The following ASB15 variants were observed in gnomAD, a reference collection of about 807,000 sequenced individuals.
ASB15 encodes the protein ankyrin repeat and SOCS box containing 15, also known as ankyrin repeat and SOCS box protein 15.
Under a neutral mutation model 58.0 loss-of-function variants are expected in ASB15, and 54 were observed. That is an observed-to-expected ratio of 0.93 (90% CI 0.75 to 1.17). ASB15 has a LOEUF of 1.17. ASB15 is among the 50% of genes most tolerant of loss of function. The pLI, the probability that ASB15 is intolerant of heterozygous loss-of-function variation, is 0.00. For missense variants in ASB15, 680 were observed against 707.4 expected (o/e 0.96, Z 0.44); for synonymous variants, 249 against 262.4 (o/e 0.95, Z 0.50).
intron 11 of ASB15, among the ~76,000 whole-genome samples, chr7:123,636,238 C>G (rs1461972880): frequency 4.6e-5 from 7 of 152,068 alleles, no homozygotes; most frequent in African/African-American, 1.7e-4. Context: ...TATAAAATCT[C>G]AATCTTGCAA....
intron 9 of ASB15, 62 bp from the exon 10 acceptor site, chr7:123,628,802 G>A (rs1801959710): frequency 1.8e-6 from 2 of 1,140,730 alleles, no homozygotes; most frequent in South Asian, 3.2e-5. Context: ...AGTGAGAACG[G>A]TAGTTTATTT....
chr7:123,625,051 C>T (rs902747564), intron 8 of ASB15: 2 of 486,614 alleles, frequency 4.1e-6, no homozygotes, highest in Admixed American at 7.1e-5. Flanking sequence ...ATTGCTCTCT[C>T]GAGAGACAGT....
chr7:123,598,352 G>T (rs1458142298), upstream of ASB15, among the ~76,000 whole-genome samples: 2 of 152,130 alleles, frequency 1.3e-5, no homozygotes, highest in African/African-American at 4.8e-5. Flanking sequence ...TAAACCTTTA[G>T]ATATCTCTAA....
rs760510931 is a variant in ASB15 at position 123,629,054 on chromosome 7, C to T, written c.1060C>T (p.Leu354=). 3.1e-6 allele frequency: 5 copies of T among 1,613,594 alleles called. No individual in the cohort carries two copies. In the South Asian group the frequency reaches 5.5e-5, roughly 18 times the overall value. ...CTATGACGATGAGAGGAAGACTGCGCTGTATTTTGGCGTTTCTAATAATGA... is the reference window on the plus strand; with the variant it reads ...CTATGACGATGAGAGGAAGACTGCGTTGTATTTTGGCGTTTCTAATAATGA... ...QSYDDERKTA[L]YFGVSNNDVH... The change falls in exon 10 of 12, where the codon CTG becomes TTG. Residue 354 remains leucine, a synonymous_variant. Coordinates refer to ENST00000451215, the MANE Select transcript of ASB15 (RefSeq NM_001290258.2).
At chr7:123,627,894 G>A (rs996142457) in intron 9 of ASB15, among the ~76,000 whole-genome samples, 31 of 152,164 alleles carry the variant, frequency 2.0e-4, no homozygotes, top group Admixed American at 2.0e-3. Context: ...TATTTCATAA[G>A]CTCAAAAACT....
At chr7:123,582,443 C>A (rs1432762450) in intron 1 of ASB15, among the ~76,000 whole-genome samples, 1 of 151,868 alleles carries the variant, frequency 6.6e-6, no homozygotes, top group Non-Finnish European at 1.5e-5. Flanking sequence ...AAAATAAAGC[C>A]CCAAATTCTT....
intron 10 of ASB15, 31 bp from the exon 11 acceptor site, chr7:123,629,932 ATAC>A: frequency 1.4e-6 from 2 of 1,474,076 alleles, no homozygotes; most frequent in Non-Finnish European, 1.9e-6. Context: ...GATATTAAAA[ATAC>A]TACTAAATTA....
Position 123,637,244 on chromosome 7 carries a change from T to A in ASB15, c.*263T>A, listed in dbSNP as rs144886191. 137 of 232,182 alleles carry A rather than the reference T, an allele frequency of 5.9e-4. No homozygotes were observed. The East Asian group carries it at 0.01, about 18-fold the overall frequency. 14.4% of individuals were successfully genotyped at this position (232,182 alleles called of 1,614,324 possible). On this transcript the variant is annotated 3_prime_UTR_variant, in exon 12 of 12. Transcript: ENST00000451215. ...TCTCCCTATCAAGTGGCTCCTACAATATCCACAATCAAGTCTCTATGTTTA... is the reference window on the plus strand; with the variant it reads ...TCTCCCTATCAAGTGGCTCCTACAAAATCCACAATCAAGTCTCTATGTTTA...
intron 8 of ASB15, 115 bp downstream of exon 8, chr7:123,624,929 C>T (rs1801675381): frequency 7.8e-7 from 1 of 1,286,156 alleles, no homozygotes; most frequent in South Asian, 1.5e-5. Context: ...TCTTCCTCTG[C>T]TGAATGGAAC....
At chr7:123,614,238 T>G (rs1319690262) in intron 3 of ASB15, 1 of 342,624 alleles carries the variant, frequency 2.9e-6, no homozygotes, top group South Asian at 4.0e-5. Context: ...CAGTCATTAC[T>G]GAAAAAAAAA....
rs1347317991 is a variant in ASB15, at chr7:123,617,724, C to T, written c.438C>T (p.Thr146=). Residue 146 remains threonine, a synonymous_variant, in exon 7 of 12, where the codon ACC becomes ACT. Transcript: ENST00000451215. ...WPNTKNDKGE[T]PLLIAVKKGS... The stretch of plus-strand genomic sequence containing the variant: ...ACACAAAAAATGATAAAGGAGAGAC[C>T]CCCCTTCTGATTGGTAAATGACCTT... 1 of 1,608,578 alleles carries T rather than the reference C, an allele frequency of 6.2e-7. No homozygotes were observed. The highest frequency in any genetic ancestry group is 1.3e-5 in the African/African-American group (1 of 74,434).
intron 1 of ASB15, among the ~76,000 whole-genome samples, chr7:123,589,550 T>G (rs1799473600): frequency 6.6e-6 from 1 of 152,038 alleles, no homozygotes; most frequent in Non-Finnish European, 1.5e-5. Flanking sequence ...AACTCTCACT[T>G]ATGAGTGAGA....
rs1340346776 is a variant in ASB15, at chr7:123,616,275, T to A, written c.160+2T>A. On this transcript the variant is annotated splice_donor_variant, in intron 5 of 11. Transcript: ENST00000451215. LOFTEE classifies it high-confidence loss of function. ...AACTTGTGGAGGCCATAAAACAAGG[T>A]AAATGGGTGTACTATCTACAGTGGG... 1.1e-5 allele frequency: 17 copies of A among 1,610,168 alleles called. No homozygotes were observed. The highest frequency in any genetic ancestry group is 1.4e-5 in the Non-Finnish European group (16 of 1,176,654).
chr7:123,619,395 T>G (rs906789848), intron 7 of ASB15, among the ~76,000 whole-genome samples: 2 of 152,152 alleles, frequency 1.3e-5, no homozygotes, highest in Non-Finnish European at 2.9e-5. Context: ...CTGTAAAGAC[T>G]TCAAAGAGCC....
intron 8 of ASB15, 125 bp downstream of exon 8, chr7:123,624,939 C>G: frequency 8.0e-7 from 1 of 1,244,638 alleles, no homozygotes; most frequent in Non-Finnish European, 1.1e-6. Flanking sequence ...CTGAATGGAA[C>G]TTGGCATCAG....
At chr7:123,608,455 G>A (rs950814031) in intron 2 of ASB15, 139 bp from the exon 3 acceptor site, 5 of 151,996 alleles carry the variant, frequency 3.3e-5, no homozygotes, top group Non-Finnish European at 5.9e-5. Context: ...GTGTTTCTTC[G>A]AAGTAACATA....
intron 1 of ASB15, among the ~76,000 whole-genome samples, chr7:123,591,951 C>T (rs1358009814): frequency 6.6e-6 from 1 of 152,042 alleles, no homozygotes; most frequent in African/African-American, 2.4e-5. Context: ...TGTTGGTAGG[C>T]TATTAATTAA....
At chr7:123,575,388 T>A (rs1359519013) in intron 1 of ASB15, among the ~76,000 whole-genome samples, 2 of 152,114 alleles carry the variant, frequency 1.3e-5, no homozygotes, top group Non-Finnish European at 2.9e-5. Flanking sequence ...TTTTGGTATG[T>A]CAGATACAAT....
At chr7:123,633,177 C>T (rs1802212475) in intron 11 of ASB15, among the ~76,000 whole-genome samples, 1 of 152,138 alleles carries the variant, frequency 6.6e-6, no homozygotes, top group African/African-American at 2.4e-5. Flanking sequence ...ACAAGGCTAA[C>T]ACTAAACAGA....
Sources: gnomAD v4.1 joint callset for allele counts (sites outside exome capture counted in the v4.1 genomes callset) on GRCh38, gnomAD v4.1.1 for gene constraint, MANE v1.5 for transcripts, NCBI Gene and HGNC (gene_info 2026-07-23, HGNC 2026-07-21) for gene names.